AMBRA1: variants seen among roughly 807,000 people sequenced by gnomAD.
AMBRA1 encodes activating molecule in BECN1-regulated autophagy protein 1.
AMBRA1 carries 47 observed loss-of-function variants against 125.4 expected under a neutral mutation model. The ratio of observed to expected loss-of-function variants is 0.37; its 90% CI spans 0.30 to 0.48. The LOEUF (loss-of-function observed/expected upper bound fraction) is 0.48, where lower values mean the gene tolerates loss of function less well. Among genes scored for constraint, AMBRA1 ranks in the 20% least tolerant of loss-of-function variants. AMBRA1 has a pLI of 0.99. For synonymous variants in AMBRA1, 626 were observed against 655.5 expected (o/e 0.95, Z 0.69); for missense variants, 1,331 against 1,693.4 (o/e 0.79, Z 3.76).
intron 11 of AMBRA1, among the ~76,000 whole-genome samples, chr11:46,492,078 G>C (rs773442446): frequency 6.6e-6 from 1 of 152,148 alleles, no homozygotes; most frequent in African/African-American, 2.4e-5. Context: ...AAGCTTTAAC[G>C]TGCCTTCGGT....
rs568471589 is a variant in AMBRA1 at position 46,508,091 on chromosome 11, G to C, written c.2339+100C>G. The C allele has an allele frequency of 4.3e-5, 54 of 1,269,618 alleles. No homozygotes were observed. In the South Asian group the frequency reaches 7.2e-4, roughly 17 times the overall value. The allele number at this position is 1,269,618 out of a possible 1,614,324, so 78.6% of individuals were successfully genotyped here. On this transcript the variant is annotated intron_variant, in intron 9 of 17. Coordinates refer to ENST00000683756, the MANE Select transcript of AMBRA1 (RefSeq NM_001387011.1). ...CTCATAAATAATAATTGAGGAGTTG[G>C]GAGCAAGAACATCCACCATTGTAGC...
At chr11:46,520,280 G>A (rs1384963832) in intron 7 of AMBRA1, among the ~76,000 whole-genome samples, 1 of 152,146 alleles carries the variant, frequency 6.6e-6, no homozygotes, top group Non-Finnish European at 1.5e-5. Context: ...TTAGCCATCA[G>A]GATGATAGCC....
chr11:46,496,011 GGAGGACTGCTT>G (rs1191686867), intron 9 of AMBRA1, among the ~76,000 whole-genome samples: 1 of 152,108 alleles, frequency 6.6e-6, no homozygotes, highest in East Asian at 1.9e-4. Flanking sequence ...CAGTTACCTG[GGAGGACTGCTT>G]GAGTCCAGGA....
At chr11:46,558,706 C>T (rs2043236358) in intron 1 of AMBRA1, among the ~76,000 whole-genome samples, 1 of 151,960 alleles carries the variant, frequency 6.6e-6, no homozygotes, top group East Asian at 1.9e-4. Context: ...ATTTAGGTAA[C>T]CAAAGATATC....
intron 11 of AMBRA1, among the ~76,000 whole-genome samples, chr11:46,481,660 G>A (rs1310108099): frequency 2.0e-5 from 3 of 152,196 alleles, no homozygotes; most frequent in African/African-American, 4.8e-5. Flanking sequence ...ACCGCGCCCG[G>A]CCTATTTTTG....
chr11:46,426,008 G>C (rs555629717), intron 14 of AMBRA1, among the ~76,000 whole-genome samples: 2 of 151,078 alleles, frequency 1.3e-5, no homozygotes, highest in African/African-American at 4.9e-5. Context: ...TTAGCTGGGC[G>C]TGGTGGCGGG....
chr11:46,583,649 T>C (rs1370400556), intron 1 of AMBRA1, among the ~76,000 whole-genome samples: 8 of 30,930 alleles, frequency 2.6e-4, no homozygotes, highest in Non-Finnish European at 4.7e-4. Context: ...TCAAACAAAT[T>C]TCCAAAAAAA....
At chr11:46,532,894 C>T (rs1374067947) in intron 7 of AMBRA1, among the ~76,000 whole-genome samples, 2 of 152,108 alleles carry the variant, frequency 1.3e-5, no homozygotes, top group Non-Finnish European at 2.9e-5. Context: ...CTAGCAATTC[C>T]ACTTCTAGAA....
intron 14 of AMBRA1, among the ~76,000 whole-genome samples, chr11:46,426,621 C>T (rs1238663687): frequency 6.6e-6 from 1 of 152,154 alleles, no homozygotes; most frequent in East Asian, 1.9e-4. Flanking sequence ...CCTCCCTTCT[C>T]TGACAAATCA....
At chr11:46,518,637 T>G (rs570531653) in intron 7 of AMBRA1, among the ~76,000 whole-genome samples, 3 of 152,198 alleles carry the variant, frequency 2.0e-5, no homozygotes, top group African/African-American at 7.2e-5. Flanking sequence ...ACCTACTGCC[T>G]AGCCCTTTAC....
At chr11:46,428,631 T>C in intron 14 of AMBRA1, 2 of 1,575,120 alleles carry the variant, frequency 1.3e-6, no homozygotes, top group Admixed American at 1.7e-5. Context: ...GTTTATTCAA[T>C]GCAAAAGAAT....
At chr11:46,517,470 G>GTTTT (rs768814141) in intron 7 of AMBRA1, among the ~76,000 whole-genome samples, 2 of 96,178 alleles carry the variant, frequency 2.1e-5, no homozygotes, top group African/African-American at 4.6e-5. Flanking sequence ...TATTAATAAG[G>GTTTT]TTTTTTTTTT....
chr11:46,490,381 T>C (rs1009760869), intron 11 of AMBRA1, among the ~76,000 whole-genome samples: 53 of 152,188 alleles, frequency 3.5e-4, no homozygotes, highest in African/African-American at 1.1e-3. Context: ...AATAATAGAC[T>C]ATCAAAACAC....
At chr11:46,530,336 G>T (rs1044467591) in intron 7 of AMBRA1, among the ~76,000 whole-genome samples, 1 of 152,186 alleles carries the variant, frequency 6.6e-6, no homozygotes, top group Admixed American at 6.5e-5. Context: ...GGATAATTTA[G>T]ATCAGCCTAG....
chr11:46,549,312 T>C (rs1430169490), intron 1 of AMBRA1, among the ~76,000 whole-genome samples: 2 of 152,236 alleles, frequency 1.3e-5, no homozygotes, highest in South Asian at 2.1e-4. Context: ...CACTGTGACA[T>C]TGTTTCTTTA....
chr11:46,438,509 G>A (rs1947838530), intron 12 of AMBRA1, among the ~76,000 whole-genome samples: 1 of 152,238 alleles, frequency 6.6e-6, no homozygotes, highest in Non-Finnish European at 1.5e-5. Context: ...AGCAGTTGCA[G>A]TGCCTTTGCA....
In AMBRA1 at chr11:46,402,597, C is replaced by T. The variant is rs189715562; in HGVS notation, c.3404-4654G>A. ...GCCAGGCTGGTCTCGAACTCCTGAC[C>T]TTGTGATCTGCCTGCCTCAGCCTCC... On this transcript the variant is annotated intron_variant, in intron 17 of 17. Transcript: ENST00000683756. Among the ~76,000 whole-genome samples the T allele has an allele frequency of 1.9e-3, 288 of 152,254 alleles. 1 individual carries two copies. Among genetic ancestry groups the T allele is most frequent in the Middle Eastern group, 0.01 (3 of 294 alleles).
At chr11:46,516,797 A>AAATTG (rs1951510685) in intron 7 of AMBRA1, among the ~76,000 whole-genome samples, 2 of 152,128 alleles carry the variant, frequency 1.3e-5, no homozygotes, top group African/African-American at 4.8e-5. Context: ...TGGTAGGAGA[A>AAATTG]AATTGAATGC....
chr11:46,550,846 G>A (rs1279299524), intron 1 of AMBRA1, among the ~76,000 whole-genome samples: 1 of 151,744 alleles, frequency 6.6e-6, no homozygotes, highest in Non-Finnish European at 1.5e-5. Flanking sequence ...CAGCACTTTG[G>A]GAGGCCGAGA....
Sources: gnomAD v4.1 joint callset for allele counts (sites outside exome capture counted in the v4.1 genomes callset) on GRCh38, gnomAD v4.1.1 for gene constraint, MANE v1.5 for transcripts, NCBI Gene and HGNC (gene_info 2026-07-23, HGNC 2026-07-21) for gene names.